SYNPR: variants seen among roughly 807,000 people sequenced by gnomAD.
SYNPR encodes the protein synaptoporin.
In SYNPR, 23 loss-of-function variants were observed where a neutral mutation model predicts 32.9. The ratio of observed to expected loss-of-function variants is 0.70; its 90% CI spans 0.50 to 0.99. The LOEUF (loss-of-function observed/expected upper bound fraction) is 0.99, where lower values mean the gene tolerates loss of function less well. SYNPR is among the 50% of genes least tolerant of loss of function. The pLI is 0.00. For missense variants in SYNPR, 318 were observed against 349.3 expected (o/e 0.91, Z 0.71); for synonymous variants, 146 against 135.9 (o/e 1.07, Z -0.52).
chr3:63,358,744 C>A (rs1315852618), intron 2 of SYNPR, among the ~76,000 whole-genome samples: 1 of 152,138 alleles, frequency 6.6e-6, no homozygotes, highest in African/African-American at 2.4e-5. Flanking sequence ...AGATATTTCA[C>A]ATGTATTATC....
chr3:63,250,397 T>C lies in SYNPR; in HGVS notation n.67-2102T>C, dbSNP rs183617130. ...CTCCACGCCTGGGGCAATTATTCAT[T>C]CCTAACAGGACTGAAAAATAGAAAC... On this transcript the variant is annotated intron_variant and non_coding_transcript_variant, in intron 1 of 4. Transcript: ENST00000478456. 5.2e-3 allele frequency among the ~76,000 whole-genome samples: 785 copies of C among 152,266 alleles called. 8 individuals are homozygous for C. Among genetic ancestry groups the C allele is most frequent in the African/African-American group, 0.018 (755 of 41,556 alleles).
intron 2 of SYNPR, among the ~76,000 whole-genome samples, chr3:63,400,066 G>C (rs2088270779): frequency 6.6e-6 from 1 of 152,192 alleles, no homozygotes; most frequent in African/African-American, 2.4e-5. Flanking sequence ...AGCTCAACCA[G>C]GGTTAACAGA....
chr3:63,549,788 G>A (rs1414971358), intron 3 of SYNPR, among the ~76,000 whole-genome samples: 3 of 151,960 alleles, frequency 2.0e-5, no homozygotes, highest in Non-Finnish European at 4.4e-5. Flanking sequence ...AAGCATCAGT[G>A]AAATGTTTTA....
chr3:63,233,189 G>T (rs1412079686), intron 1 of SYNPR, among the ~76,000 whole-genome samples: 2 of 152,172 alleles, frequency 1.3e-5, no homozygotes, highest in African/African-American at 2.4e-5. Context: ...TGAGAGTGGA[G>T]CCCAAATATC....
chr3:63,504,030 G>A (rs1056001213), intron 3 of SYNPR, among the ~76,000 whole-genome samples: 6 of 151,784 alleles, frequency 4.0e-5, no homozygotes, highest in East Asian at 1.9e-4. Context: ...AAAACCTTAC[G>A]TTATTTTCAT....
At chr3:63,208,358 G>T in the SYNPR span, among the ~76,000 whole-genome samples, 4 of 152,182 alleles carry the variant, frequency 2.6e-5, no homozygotes, top group Admixed American at 6.5e-5. Flanking sequence ...GGCTTCTGCT[G>T]CTCCTCCTGA....
chr3:63,615,141 A>G lies in SYNPR; in HGVS notation c.601-83A>G, dbSNP rs1410880313. 4.1e-6 allele frequency: 6 copies of G among 1,471,082 alleles called. No homozygotes were observed. In the African/African-American group the frequency reaches 8.4e-5, roughly 21 times the overall value. The allele number at this position is 1,471,082 out of a possible 1,614,324, so 91.1% of individuals were successfully genotyped here. The stretch of plus-strand genomic sequence containing the variant: ...ATTAAAGTGAAAAGTGATCTTTTGT[A>G]TTGTGAAGGATTTTTCCAAAATTGA... On this transcript the variant is annotated intron_variant, in intron 5 of 5. Coordinates refer to ENST00000478300, the MANE Select transcript of SYNPR (RefSeq NM_001130003.2).
intron 4 of SYNPR, among the ~76,000 whole-genome samples, chr3:63,566,696 T>C (rs957690745): frequency 6.6e-6 from 1 of 152,176 alleles, no homozygotes; most frequent in African/African-American, 2.4e-5. Context: ...TGTATGACTT[T>C]GGACTGATGG....
chr3:63,308,468 G>C (rs533620787), intron 2 of SYNPR, among the ~76,000 whole-genome samples: 1 of 151,888 alleles, frequency 6.6e-6, no homozygotes, highest in South Asian at 2.1e-4. Flanking sequence ...TTCTGTTTGA[G>C]ACTTTCTATA....
intron 3 of SYNPR, among the ~76,000 whole-genome samples, chr3:63,533,560 A>G (rs1702148202): frequency 6.6e-6 from 1 of 152,180 alleles, no homozygotes; most frequent in Non-Finnish European, 1.5e-5. Context: ...AAAGCAGAGA[A>G]GGGATTTATT....
intron 3 of SYNPR, among the ~76,000 whole-genome samples, chr3:63,531,127 A>G (rs1159310493): frequency 6.6e-6 from 1 of 152,176 alleles, no homozygotes; most frequent in East Asian, 1.9e-4. Context: ...CACATAGTGG[A>G]CCGCGATGCT....
rs187294373 is a variant in SYNPR at position 63,588,763 on chromosome 3, G to T, written c.409-20362G>T. Among the ~76,000 whole-genome samples the T allele has an allele frequency of 1.9e-4, 29 of 152,050 alleles. 1 individual carries two copies. Among genetic ancestry groups the T allele is most frequent in the Admixed American group, 1.1e-3 (17 of 15,252 alleles). On this transcript the variant is annotated intron_variant, in intron 4 of 5. Transcript: ENST00000478300. ...CTAAGCTTTCCTAGCAAATTGCTAGGGTACCAGGGTCCAGAAAGGCAGGAG... is the reference window on the plus strand; with the variant it reads ...CTAAGCTTTCCTAGCAAATTGCTAGTGTACCAGGGTCCAGAAAGGCAGGAG...
intron 2 of SYNPR, among the ~76,000 whole-genome samples, chr3:63,413,171 C>A (rs1187796959): frequency 6.6e-6 from 1 of 152,160 alleles, no homozygotes; most frequent in Non-Finnish European, 1.5e-5. Flanking sequence ...AAATAACCTT[C>A]CTCATTAAAA....
intron 4 of SYNPR, among the ~76,000 whole-genome samples, chr3:63,560,890 G>A (rs1702677075): frequency 6.6e-6 from 1 of 152,140 alleles, no homozygotes; most frequent in South Asian, 2.1e-4. Flanking sequence ...AGATTTGGGT[G>A]GGGACACAAA....
chr3:63,203,068 G>GTGTGTGTGTGTATATATATA, the SYNPR span: 11 of 108,566 alleles, frequency 1.0e-4, no homozygotes, highest in South Asian at 7.8e-4. Context: ...ATATGTATGT[G>GTGTGTGTGTGTATATATATA]TATATATATA....
intron 1 of SYNPR, among the ~76,000 whole-genome samples, chr3:63,250,662 G>A (rs1291999563): frequency 6.6e-6 from 1 of 152,092 alleles, no homozygotes; most frequent in Non-Finnish European, 1.5e-5. Context: ...CTATAAGCTA[G>A]GTATGATTTT....
intron 2 of SYNPR, among the ~76,000 whole-genome samples, chr3:63,448,398 T>C (rs1479736640): frequency 1.3e-5 from 2 of 152,236 alleles, no homozygotes; most frequent in Non-Finnish European, 2.9e-5. Flanking sequence ...TCATTTTATT[T>C]CTGGTAAAAT....
At chr3:63,225,811 T>A (rs1404184119), upstream of SYNPR, among the ~76,000 whole-genome samples, 1 of 152,116 alleles carries the variant, frequency 6.6e-6, no homozygotes, top group Non-Finnish European at 1.5e-5. Flanking sequence ...GGTGGGACTA[T>A]GTTAAACTAA....
chr3:63,205,378 C>T, the SYNPR span, among the ~76,000 whole-genome samples: 1 of 152,214 alleles, frequency 6.6e-6, no homozygotes, highest in Non-Finnish European at 1.5e-5. Flanking sequence ...AAAATATTCT[C>T]TTCTACCATT....
Sources: gnomAD v4.1 joint callset for allele counts (sites outside exome capture counted in the v4.1 genomes callset) on GRCh38, gnomAD v4.1.1 for gene constraint, MANE v1.5 for transcripts, NCBI Gene and HGNC (gene_info 2026-07-23, HGNC 2026-07-21) for gene names.